The following LMBR1 variants were observed in gnomAD, a reference collection of about 807,000 sequenced individuals.
LMBR1 encodes limb region 1 protein homolog.
LMBR1 carries 52 observed loss-of-function variants against 73.9 expected under a neutral mutation model. The ratio of observed to expected loss-of-function variants is 0.70; its 90% CI spans 0.56 to 0.89. The LOEUF (loss-of-function observed/expected upper bound fraction) is 0.89. LMBR1 is among the 40% of genes least tolerant of loss of function. The pLI, the probability that LMBR1 is intolerant of heterozygous loss-of-function variation, is 0.00. For missense variants in LMBR1, 539 were observed against 579.8 expected (o/e 0.93, Z 0.72); for synonymous variants, 215 against 209.4 (o/e 1.03, Z -0.23).
chr7:156,756,621 T>G (rs1821932867), intron 8 of LMBR1, among the ~76,000 whole-genome samples, 156 bp from the exon 9 acceptor site: 1 of 152,224 alleles, frequency 6.6e-6, no homozygotes, highest in Non-Finnish European at 1.5e-5. Flanking sequence ...TATTTATAAA[T>G]TAAGTACAAA....
chr7:156,804,181 G>A (rs1831563951), intron 4 of LMBR1, among the ~76,000 whole-genome samples: 1 of 152,106 alleles, frequency 6.6e-6, no homozygotes, highest in South Asian at 2.1e-4. Context: ...GGATTTTCTA[G>A]AACATTATAC....
intron 9 of LMBR1, among the ~76,000 whole-genome samples, chr7:156,753,673 AGAG>A (rs1285740738): frequency 6.6e-6 from 1 of 152,128 alleles, no homozygotes; most frequent in African/African-American, 2.4e-5. Flanking sequence ...ACCATGATAA[AGAG>A]GAGTGATGGA....
At chr7:156,758,832 A>G (rs1822421764) in intron 8 of LMBR1, among the ~76,000 whole-genome samples, 1 of 152,200 alleles carries the variant, frequency 6.6e-6, no homozygotes, top group Admixed American at 6.5e-5. Flanking sequence ...TGCAGTGACA[A>G]TGTAAATAAC....
At chr7:156,775,742 A>G (rs1826014521) in intron 5 of LMBR1, among the ~76,000 whole-genome samples, 1 of 152,136 alleles carries the variant, frequency 6.6e-6, no homozygotes, top group Non-Finnish European at 1.5e-5. Flanking sequence ...TTATGTAGTA[A>G]GAGTACCAAC....
intron 1 of LMBR1, among the ~76,000 whole-genome samples, chr7:156,870,744 G>A (rs1361611810): frequency 3.4e-5 from 5 of 147,898 alleles, no homozygotes; most frequent in African/African-American, 5.0e-5. Flanking sequence ...GCGACAGAGC[G>A]AGACTCTGTC....
In LMBR1 at chr7:156,863,853, T is replaced by G. The variant is rs546353758; in HGVS notation, c.67-26968A>C. The stretch of plus-strand genomic sequence containing the variant: ...GAAGCAAAAGTATTAATAAGTGTTA[T>G]TAATAGCTAGAGAAGACCAGGCGTG... On this transcript the variant is annotated intron_variant, in intron 1 of 16. Coordinates refer to ENST00000353442, the MANE Select transcript of LMBR1 (RefSeq NM_022458.4). 2.6e-5 allele frequency among the ~76,000 whole-genome samples: 4 copies of G among 152,290 alleles called. No individual in the cohort carries two copies. The South Asian group carries it at 8.3e-4, about 32-fold the overall frequency.
intron 5 of LMBR1, among the ~76,000 whole-genome samples, chr7:156,788,483 A>G (rs1010654367): frequency 1.3e-5 from 2 of 152,026 alleles, no homozygotes; most frequent in Non-Finnish European, 2.9e-5. Flanking sequence ...AAAATAGAAA[A>G]CAGCTCAAAA....
chr7:156,757,179 T>C (rs932028806), intron 8 of LMBR1, among the ~76,000 whole-genome samples: 6 of 152,192 alleles, frequency 3.9e-5, no homozygotes, highest in African/African-American at 1.4e-4. Flanking sequence ...ACAGTAAATA[T>C]AGGCCCAAGC....
chr7:156,844,588 A>C (rs532380670), intron 1 of LMBR1, among the ~76,000 whole-genome samples: 14 of 151,256 alleles, frequency 9.3e-5, no homozygotes, highest in South Asian at 2.1e-4. Context: ...CCAGCTTCTC[A>C]TCACTAAAAG....
intron 1 of LMBR1, among the ~76,000 whole-genome samples, chr7:156,870,722 G>C (rs1219989220): frequency 2.0e-5 from 3 of 150,876 alleles, no homozygotes; most frequent in Admixed American, 2.0e-4. Flanking sequence ...CCGAGATCGC[G>C]GCACAACCTG....
chr7:156,862,968 G>A (rs539213660), intron 1 of LMBR1, among the ~76,000 whole-genome samples: 1 of 152,268 alleles, frequency 6.6e-6, no homozygotes, highest in African/African-American at 2.4e-5. Context: ...CATGGGACTT[G>A]TCAGTCTCCA....
At chr7:156,803,465 C>T (rs1419569911) in intron 4 of LMBR1, among the ~76,000 whole-genome samples, 1 of 152,090 alleles carries the variant, frequency 6.6e-6, no homozygotes, top group Non-Finnish European at 1.5e-5. Flanking sequence ...CCATCTCACA[C>T]CAGTTAGAAT....
rs1448926584 is a variant in LMBR1 at position 156,763,708 on chromosome 7, G to A, written c.511C>T (p.Leu171Phe). 1 of 1,603,504 alleles carries A rather than the reference G, an allele frequency of 6.2e-7. No homozygotes were observed. The highest frequency in any genetic ancestry group is 1.8e-5 in the Admixed American group (1 of 56,418). ...ATGCTTGCGGCATCGTTGTCAATGA[G>A]TGCTGAAGCTACCCACACTATCCCA... ...ILGIVWVASA[L>F]IDNDAASMES... The change falls in exon 6 of 17, where the codon CTC (leucine) becomes TTC (phenylalanine). Residue 171 changes from leucine (L) to phenylalanine (F), a missense_variant. By Grantham distance (22) the Leu-to-Phe change is conservative. Around this residue, in one of 3 missense-constraint regions of LMBR1, gnomAD observed 454 missense variants for 473.4 expected, o/e 0.96. Coordinates refer to ENST00000353442, the MANE Select transcript of LMBR1 (RefSeq NM_022458.4).
intron 4 of LMBR1, among the ~76,000 whole-genome samples, chr7:156,817,882 A>ATT (rs1834177070): frequency 6.6e-6 from 1 of 152,166 alleles, no homozygotes; most frequent in East Asian, 1.9e-4. Context: ...ATATCAACAA[A>ATT]TACCTACATT....
At chr7:156,737,219 T>C (rs1039994746) in intron 9 of LMBR1, among the ~76,000 whole-genome samples, 2 of 152,214 alleles carry the variant, frequency 1.3e-5, no homozygotes, top group East Asian at 3.8e-4. Context: ...TTTGATTAAG[T>C]ATAAAAAATC....
At chr7:156,863,846 A>G (rs1447090762) in intron 1 of LMBR1, among the ~76,000 whole-genome samples, 2 of 152,192 alleles carry the variant, frequency 1.3e-5, no homozygotes, top group Admixed American at 6.5e-5. Context: ...AGTATTAATA[A>G]GTGTTATTAA....
At chr7:156,711,830 C>T (rs35164257) in intron 15 of LMBR1, among the ~76,000 whole-genome samples, 22 of 152,054 alleles carry the variant, frequency 1.4e-4, no homozygotes, top group African/African-American at 3.4e-4. Context: ...CCCTATCTCT[C>T]GCCATATATA....
intron 4 of LMBR1, among the ~76,000 whole-genome samples, chr7:156,800,786 G>C (rs1019608365): frequency 6.6e-5 from 10 of 152,300 alleles, no homozygotes; most frequent in Middle Eastern, 3.4e-3. Context: ...TGTGATTCAT[G>C]GGAGGTCAAA....
chr7:156,832,304 A>G (rs770029823), intron 3 of LMBR1, among the ~76,000 whole-genome samples: 22 of 152,218 alleles, frequency 1.4e-4, no homozygotes, highest in Non-Finnish European at 3.2e-4. Context: ...GGAGTTATTA[A>G]TTTCTTTATT....
Sources: gnomAD v4.1 joint callset for allele counts (sites outside exome capture counted in the v4.1 genomes callset) on GRCh38, gnomAD v4.1.1 for gene constraint, gnomAD v4.1.1 regional missense constraint, MANE v1.5 for transcripts, NCBI Gene and HGNC (gene_info 2026-07-23, HGNC 2026-07-21) for gene names.